The following GP9 variants were observed in gnomAD, a reference collection of about 807,000 sequenced individuals.
GP9 encodes the protein platelet glycoprotein IX.
For missense variants in GP9, 228 were observed against 241.8 expected (o/e 0.94, Z 0.38); for synonymous variants, 116 against 116.7 (o/e 0.99, Z 0.04).
At chr3:129,057,739 G>A (rs1430082803), upstream of GP9, among the ~76,000 whole-genome samples, 1 of 152,058 alleles carries the variant, frequency 6.6e-6, no homozygotes, top group Non-Finnish European at 1.5e-5. Context: ...GGAGTTTTAT[G>A]GAAGAGAGAA....
upstream of GP9, among the ~76,000 whole-genome samples, chr3:129,055,957 T>C (rs1576794663): frequency 6.6e-6 from 1 of 152,168 alleles, no homozygotes; most frequent in East Asian, 1.9e-4. Flanking sequence ...CAGGCCCCCC[T>C]TTCTTCCCTG....
At chr3:129,056,902 G>T (rs1946526682), upstream of GP9, among the ~76,000 whole-genome samples, 1 of 152,352 alleles carries the variant, frequency 6.6e-6, no homozygotes, top group Non-Finnish European at 1.5e-5. Context: ...GAGAGGTGAG[G>T]CTGGACAGGG....
upstream of GP9, among the ~76,000 whole-genome samples, chr3:129,059,360 C>T (rs1346247751): frequency 6.6e-6 from 1 of 152,152 alleles, no homozygotes; most frequent in African/African-American, 2.4e-5. Flanking sequence ...CACCCCCACT[C>T]ACTCCAGAAC....
chr3:129,060,833 T>G lies in GP9; in HGVS notation c.-156T>G, dbSNP rs978779902. ...ACCTTTCAGGCCAGACAGGAGCACC[T>G]GACCAAAGGCTTCACAGGTAAGTGG... is the stretch of plus-strand genomic sequence containing the variant. On this transcript the variant is annotated 5_prime_UTR_variant, in exon 1 of 3. Coordinates refer to ENST00000307395, the MANE Select transcript of GP9 (RefSeq NM_000174.5). 6.6e-6 allele frequency: 1 copy of G among 152,566 alleles called. No individual in the cohort carries two copies. The allele number at this position is 152,566 out of a possible 1,614,324, so 9.5% of individuals were successfully genotyped here. A position where few individuals can be genotyped will look rare whatever the true frequency, so the allele number is the denominator to read the frequency against.
chr3:129,061,238 T>C (rs1946571678), intron 1 of GP9, among the ~76,000 whole-genome samples: 1 of 152,186 alleles, frequency 6.6e-6, no homozygotes, highest in Non-Finnish European at 1.5e-5. Context: ...TTCCCCTCCC[T>C]GCTCCAGCCA....
At chr3:129,056,577 T>C (rs150690737), upstream of GP9, among the ~76,000 whole-genome samples, 866 of 152,244 alleles carry the variant, frequency 5.7e-3, 4 homozygotes, top group African/African-American at 0.02. Context: ...TCACCTGAAA[T>C]TGCCTGAGAG....
chr3:129,056,032 C>G (rs1159853824), upstream of GP9, among the ~76,000 whole-genome samples: 1 of 152,196 alleles, frequency 6.6e-6, no homozygotes, highest in Non-Finnish European at 1.5e-5. Context: ...AGACCCCCAG[C>G]AAAGCACCTG....
In GP9 at chr3:129,062,392, A is replaced by C; in HGVS notation, c.*119A>C. 1 of 696,510 alleles carries C rather than the reference A, an allele frequency of 1.4e-6. No homozygotes were observed. The highest frequency in any genetic ancestry group is 2.4e-6 in the Non-Finnish European group (1 of 418,040). The allele number at this position is 696,510 out of a possible 1,614,324, so 43.1% of individuals were successfully genotyped here. Reference sequence around the variant, plus strand: ...GAAGCCCAGAATAAACTGGCAGCTCAGCTGTTTTATATAAGCTCAGAGATT... The same window carrying C: ...GAAGCCCAGAATAAACTGGCAGCTCCGCTGTTTTATATAAGCTCAGAGATT... On this transcript the variant is annotated 3_prime_UTR_variant, in exon 3 of 3. Transcript: ENST00000307395.
chr3:129,059,080 A>C (rs971592792), upstream of GP9, among the ~76,000 whole-genome samples: 1 of 152,234 alleles, frequency 6.6e-6, no homozygotes, highest in South Asian at 2.1e-4. Context: ...ATGGGTAAAT[A>C]CACATGGGGA....
chr3:129,059,375 T>C (rs1946550615), upstream of GP9, among the ~76,000 whole-genome samples: 2 of 152,092 alleles, frequency 1.3e-5, no homozygotes, highest in Middle Eastern at 6.8e-3. Flanking sequence ...CAGAACCCCT[T>C]ACCCACCTGC....
chr3:129,057,002 G>A (rs746231648), upstream of GP9, among the ~76,000 whole-genome samples: 12 of 152,174 alleles, frequency 7.9e-5, no homozygotes, highest in Admixed American at 2.0e-4. Context: ...AGAGGCAGAG[G>A]CCAGCATCAA....
chr3:129,057,233 C>T (rs139524101), upstream of GP9, among the ~76,000 whole-genome samples: 2 of 152,270 alleles, frequency 1.3e-5, no homozygotes, highest in East Asian at 3.9e-4. Flanking sequence ...ATTTCAGATC[C>T]TGATCAATGC....
chr3:129,055,500 C>T, the GP9 span, among the ~76,000 whole-genome samples: 2 of 152,178 alleles, frequency 1.3e-5, no homozygotes, highest in African/African-American at 4.8e-5. Context: ...GGTCGAAGTC[C>T]CATGGTTAGG....
chr3:129,056,894 G>A (rs956206785), upstream of GP9, among the ~76,000 whole-genome samples: 5 of 152,226 alleles, frequency 3.3e-5, no homozygotes, highest in Admixed American at 3.3e-4. Flanking sequence ...GAAGAGATGA[G>A]AGGTGAGGCT....
At chr3:129,055,779 G>C (rs1167790044), upstream of GP9, among the ~76,000 whole-genome samples, 1 of 151,982 alleles carries the variant, frequency 6.6e-6, no homozygotes, top group African/African-American at 2.4e-5. Context: ...CGAGTAGCTG[G>C]GATTACAGGC....
chr3:129,061,864 G>A lies in GP9; in HGVS notation c.125G>A (p.Gly42Glu), dbSNP rs962839753. Reference protein sequence around the residue: ...MGLWVDCRGHGLTALPALPAR... With the variant: ...MGLWVDCRGHELTALPALPAR... ...CTGTGGGTGGACTGCAGGGGCCACGGACTCACGGCCCTGCCTGCCCTGCCG... is the reference window on the plus strand; with the variant it reads ...CTGTGGGTGGACTGCAGGGGCCACGAACTCACGGCCCTGCCTGCCCTGCCG... Residue 42 changes from glycine to glutamate, a missense_variant, in exon 3 of 3, where the codon GGA (glycine) becomes GAA (glutamate). By Grantham distance (98) the Gly-to-Glu change is moderately conservative. Coordinates refer to ENST00000307395, the MANE Select transcript of GP9 (RefSeq NM_000174.5). 6 of 1,612,778 alleles carry A rather than the reference G, an allele frequency of 3.7e-6. No individual in the cohort carries two copies. In the African/African-American group the frequency reaches 4.0e-5, roughly 11 times the overall value.
upstream of GP9, among the ~76,000 whole-genome samples, chr3:129,059,085 T>TG (rs954837365): frequency 1.3e-5 from 2 of 152,226 alleles, no homozygotes; most frequent in African/African-American, 4.8e-5. Context: ...TAAATACACA[T>TG]GGGGAAAAAG....
At chr3:129,057,256 G>T (rs1031900640), upstream of GP9, among the ~76,000 whole-genome samples, 1 of 152,226 alleles carries the variant, frequency 6.6e-6, no homozygotes, top group African/African-American at 2.4e-5. Context: ...AGGAAGATAT[G>T]AAATGGAATA....
Position 129,061,724 on chromosome 3 carries a change from G to C in GP9, c.-12-4G>C, listed in dbSNP as rs1237110850. On this transcript the variant is annotated splice_polypyrimidine_tract_variant and splice_region_variant and intron_variant, in intron 2 of 2. Transcript: ENST00000307395. The stretch of plus-strand genomic sequence containing the variant: ...GCCCTCCCTCACAGCCCCTCTCTCT[G>C]CAGCCAGCCTGTCCCATGCCTGCCT... 1 of 1,607,934 alleles carries C rather than the reference G, an allele frequency of 6.2e-7. No individual in the cohort carries two copies. Among genetic ancestry groups the C allele is most frequent in the African/African-American group, 1.3e-5 (1 of 74,934 alleles).
Sources: allele counts gnomAD v4.1 joint callset (sites outside exome capture counted in the v4.1 genomes callset), GRCh38; gene constraint gnomAD v4.1.1; transcripts MANE v1.5; gene names NCBI Gene and HGNC (gene_info 2026-07-23, HGNC 2026-07-21).